The following ARHGAP21 variants were observed in gnomAD, a reference collection of about 807,000 sequenced individuals.
The protein encoded by ARHGAP21 is rho GTPase-activating protein 21.
ARHGAP21 carries 38 observed loss-of-function variants against 164.6 expected under a neutral mutation model. The ratio of observed to expected loss-of-function variants is 0.23; its 90% CI spans 0.18 to 0.30. ARHGAP21 has a LOEUF of 0.30. ARHGAP21 is among the 10% of genes least tolerant of loss of function. The probability of loss-of-function intolerance (pLI) is 1.00; values close to 1 mark genes in which losing one functional copy is unlikely to be tolerated. For synonymous variants in ARHGAP21, 766 were observed against 857.9 expected (o/e 0.89, Z 1.87); for missense variants, 1,822 against 2,370.7 (o/e 0.77, Z 4.81).
At chr10:24,591,854 G>GC in intron 22 of ARHGAP21, 33 bp downstream of exon 22, 1 of 1,597,910 alleles carries the variant, frequency 6.3e-7, no homozygotes. Flanking sequence ...CAGAGATGAA[G>GC]CATGAACTTA....
chr10:24,600,057 C>T (rs760375585), intron 14 of ARHGAP21, among the ~76,000 whole-genome samples: 20 of 144,382 alleles, frequency 1.4e-4, no homozygotes, highest in Middle Eastern at 3.8e-3. Flanking sequence ...GGTGTGAACC[C>T]GGGAGGCAGG....
chr10:24,642,826 C>T (rs572190152), intron 4 of ARHGAP21, among the ~76,000 whole-genome samples: 88 of 152,238 alleles, frequency 5.8e-4, no homozygotes, highest in African/African-American at 1.5e-3. Flanking sequence ...AGTTCATATA[C>T]GCACGAGAAT....
chr10:24,663,754 C>A (rs1386987402), intron 4 of ARHGAP21, among the ~76,000 whole-genome samples: 4 of 152,164 alleles, frequency 2.6e-5, no homozygotes, highest in African/African-American at 9.7e-5. Flanking sequence ...GTCTCAAACT[C>A]CTGACCTCAA....
intron 24 of ARHGAP21, chr10:24,590,962 A>C: frequency 1.1e-6 from 1 of 870,084 alleles, no homozygotes; most frequent in Non-Finnish European, 1.4e-6. Context: ...AAAAAAAAAG[A>C]ACAAAACAGT....
At chr10:24,672,885 A>C (rs953170722) in intron 2 of ARHGAP21, among the ~76,000 whole-genome samples, 4 of 145,622 alleles carry the variant, frequency 2.7e-5, no homozygotes, top group Non-Finnish European at 4.7e-5. Context: ...AAACAAAAAC[A>C]AAAAAAAACA....
intron 2 of ARHGAP21, among the ~76,000 whole-genome samples, chr10:24,684,525 T>C (rs1033709303): frequency 6.6e-6 from 1 of 152,232 alleles, no homozygotes; most frequent in African/African-American, 2.4e-5. Flanking sequence ...TTAAATAACT[T>C]AGATCTTGCT....
At chr10:24,713,836 C>A (rs1845096540) in intron 2 of ARHGAP21, among the ~76,000 whole-genome samples, 1 of 152,086 alleles carries the variant, frequency 6.6e-6, no homozygotes, top group Non-Finnish European at 1.5e-5. Flanking sequence ...ATTTGAGAAG[C>A]ACAAAATGCC....
At chr10:24,714,601 T>C (rs1053452660) in intron 2 of ARHGAP21, among the ~76,000 whole-genome samples, 1 of 152,168 alleles carries the variant, frequency 6.6e-6, no homozygotes, top group African/African-American at 2.4e-5. Flanking sequence ...GCATAAAACT[T>C]TTGGCATGGA....
At chr10:24,667,328 C>T (rs959020617) in intron 3 of ARHGAP21, among the ~76,000 whole-genome samples, 3 of 152,044 alleles carry the variant, frequency 2.0e-5, no homozygotes, top group African/African-American at 7.2e-5. Context: ...CATTTGAGTG[C>T]GAGATTTCTA....
At chr10:24,676,107 C>G (rs879002540) in intron 2 of ARHGAP21, among the ~76,000 whole-genome samples, 3 of 152,036 alleles carry the variant, frequency 2.0e-5, no homozygotes, top group Admixed American at 2.0e-4. Flanking sequence ...GAGGGCGCCA[C>G]GGCACTCCAG....
intron 2 of ARHGAP21, among the ~76,000 whole-genome samples, chr10:24,691,096 A>C (rs990907235): frequency 4.6e-5 from 7 of 152,182 alleles, no homozygotes; most frequent in African/African-American, 1.4e-4. Context: ...AAGGAAGCTT[A>C]AAATACACAG....
intron 2 of ARHGAP21, among the ~76,000 whole-genome samples, chr10:24,690,068 C>G (rs748443406): frequency 4.6e-5 from 7 of 151,698 alleles, no homozygotes; most frequent in Middle Eastern, 3.4e-3. Flanking sequence ...ATTACATATA[C>G]CTACATCATT....
chr10:24,604,930 T>TTAAAG (rs376672353), intron 11 of ARHGAP21, among the ~76,000 whole-genome samples: 103 of 152,342 alleles, frequency 6.8e-4, no homozygotes, highest in African/African-American at 2.2e-3. Flanking sequence ...CAGGTTCATG[T>TTAAAG]TAAAGTAATC....
chr10:24,589,398 A>G, intron 24 of ARHGAP21, 96 bp from the exon 25 acceptor site: 5 of 1,146,102 alleles, frequency 4.4e-6, no homozygotes, highest in Non-Finnish European at 6.3e-6. Flanking sequence ...CACAGAACAA[A>G]ATGTGAAAGC....
intron 2 of ARHGAP21, among the ~76,000 whole-genome samples, chr10:24,688,086 G>C (rs1251548312): frequency 1.3e-5 from 2 of 152,236 alleles, no homozygotes; most frequent in African/African-American, 4.8e-5. Flanking sequence ...AGGAAAGTCA[G>C]AGATAACAGA....
chr10:24,676,129 TAG>T (rs555424152), intron 2 of ARHGAP21, among the ~76,000 whole-genome samples: 1 of 151,992 alleles, frequency 6.6e-6, no homozygotes, highest in Non-Finnish European at 1.5e-5. Context: ...CTGGGCAACA[TAG>T]AGAGAGACTC....
chr10:24,668,708 C>T (rs542202149), intron 3 of ARHGAP21, among the ~76,000 whole-genome samples: 94 of 151,632 alleles, frequency 6.2e-4, no homozygotes, highest in Admixed American at 1.2e-3. Flanking sequence ...GATCAGTTAT[C>T]ACTTAAATAC....
chr10:24,622,855 A>G, intron 7 of ARHGAP21, 93 bp from the exon 8 acceptor site: 7 of 1,260,284 alleles, frequency 5.6e-6, no homozygotes, highest in Non-Finnish European at 7.9e-6. Context: ...GCAAGCTAAA[A>G]ATACATCTAT....
At chr10:24,641,638 A>G (rs982033977) in intron 4 of ARHGAP21, among the ~76,000 whole-genome samples, 2 of 152,362 alleles carry the variant, frequency 1.3e-5, no homozygotes, top group East Asian at 3.9e-4. Context: ...AATATAAAAA[A>G]GCAAACCATG....
Sources: gnomAD v4.1 joint callset for allele counts (sites outside exome capture counted in the v4.1 genomes callset) on GRCh38, gnomAD v4.1.1 for gene constraint, MANE v1.5 for transcripts, NCBI Gene and HGNC (gene_info 2026-07-23, HGNC 2026-07-21) for gene names.